The following RAP1GAP2 variants were observed in gnomAD, a reference collection of about 807,000 sequenced individuals.
The protein encoded by RAP1GAP2 is rap1 GTPase-activating protein 2.
RAP1GAP2 carries 27 observed loss-of-function variants against 95.0 expected under a neutral mutation model. The ratio of observed to expected loss-of-function variants is 0.28; its 90% confidence interval spans 0.21 to 0.39. The LOEUF is 0.39. RAP1GAP2 is among the 10% of genes least tolerant of loss of function. The probability of loss-of-function intolerance (pLI) is 1.00; values close to 1 mark genes in which losing one functional copy is unlikely to be tolerated. For synonymous variants in RAP1GAP2, 373 were observed against 380.9 expected (o/e 0.98, Z 0.24); for missense variants, 771 against 970.0 (o/e 0.79, Z 2.72).
intron 2 of RAP1GAP2, among the ~76,000 whole-genome samples, chr17:2,854,428 G>C (rs538251392): frequency 6.6e-6 from 1 of 152,326 alleles, no homozygotes; most frequent in African/African-American, 2.4e-5. Flanking sequence ...GGATGCCATT[G>C]ATCCAGCCCA....
At chr17:2,940,987 G>A (rs1490460211) in intron 3 of RAP1GAP2, among the ~76,000 whole-genome samples, 1 of 152,200 alleles carries the variant, frequency 6.6e-6, no homozygotes. Flanking sequence ...TGCTGTGGGG[G>A]GACCGGGGAC....
At chr17:2,810,027 C>CCCG (rs2069697466) in intron 2 of RAP1GAP2, among the ~76,000 whole-genome samples, 1 of 149,160 alleles carries the variant, frequency 6.7e-6, no homozygotes, top group African/African-American at 2.5e-5. Context: ...CCCTCCCCTC[C>CCCG]CCCCGCCCCA....
intron 2 of RAP1GAP2, among the ~76,000 whole-genome samples, chr17:2,892,672 G>T (rs2073762675): frequency 6.6e-6 from 1 of 152,178 alleles, no homozygotes; most frequent in Non-Finnish European, 1.5e-5. Flanking sequence ...CCTTTCACGT[G>T]CAGGCTTGCT....
intron 3 of RAP1GAP2, among the ~76,000 whole-genome samples, chr17:2,933,049 C>G (rs1398572047): frequency 2.0e-5 from 3 of 152,176 alleles, no homozygotes; most frequent in Non-Finnish European, 4.4e-5. Flanking sequence ...GCCCAGTGTC[C>G]CCGCGTACAG....
chr17:2,938,566 G>C (rs544551058), intron 3 of RAP1GAP2, among the ~76,000 whole-genome samples: 2 of 152,242 alleles, frequency 1.3e-5, no homozygotes, highest in Non-Finnish European at 2.9e-5. Flanking sequence ...GTCTCCCCCA[G>C]CCATTCGCTA....
chr17:2,815,524 C>G (rs976409652), intron 2 of RAP1GAP2, among the ~76,000 whole-genome samples: 4 of 150,786 alleles, frequency 2.7e-5, no homozygotes, highest in African/African-American at 9.8e-5. Context: ...CTTTGTCACC[C>G]AGGCTGGATT....
chr17:2,935,893 C>A (rs898866132), intron 3 of RAP1GAP2, among the ~76,000 whole-genome samples: 1 of 152,116 alleles, frequency 6.6e-6, no homozygotes, highest in Non-Finnish European at 1.5e-5. Context: ...AGGAAGGAAA[C>A]GCGGCCGATC....
intron 8 of RAP1GAP2, among the ~76,000 whole-genome samples, chr17:2,979,125 G>A (rs2045248044): frequency 6.6e-6 from 1 of 152,092 alleles, no homozygotes; most frequent in Admixed American, 6.6e-5. Context: ...AAAACCATAT[G>A]GTTATCTCCT....
rs1256121056 is a variant in RAP1GAP2 at position 3,001,478 on chromosome 17, TC to T, written c.1200+3103del. On this transcript the variant is annotated intron_variant, in intron 14 of 24. Coordinates refer to ENST00000254695, the MANE Select transcript of RAP1GAP2 (RefSeq NM_015085.5). The stretch of plus-strand genomic sequence containing the variant: ...TCCAAGCACCAGGCTGAAGTGAGGC[TC>T]GTGGAGGTAACAAGATCAGCCTCAG... 1.9e-4 allele frequency among the ~76,000 whole-genome samples: 15 copies of T among 78,850 alleles called. 3 individuals are homozygous for T. Among genetic ancestry groups the T allele is most frequent in the African/African-American group, 8.2e-4 (14 of 17,076 alleles). The allele number at this position is 78,850 out of a possible 152,430, so 51.7% of individuals were successfully genotyped here.
chr17:3,017,587 T>C (rs1178257713), intron 17 of RAP1GAP2, among the ~76,000 whole-genome samples: 2 of 152,210 alleles, frequency 1.3e-5, no homozygotes, highest in African/African-American at 2.4e-5. Flanking sequence ...AAGAGTCAAC[T>C]TGTGGTCAGA....
chr17:2,920,763 G>A (rs1015595712), intron 3 of RAP1GAP2, among the ~76,000 whole-genome samples: 3 of 152,314 alleles, frequency 2.0e-5, no homozygotes, highest in Admixed American at 6.5e-5. Context: ...CACGCATAGG[G>A]TGGTTTCATT....
At chr17:2,779,320 C>T (rs531699095) in intron 1 of RAP1GAP2, among the ~76,000 whole-genome samples, 57 of 152,330 alleles carry the variant, frequency 3.7e-4, no homozygotes, top group African/African-American at 1.3e-3. Flanking sequence ...GGCCCCATAG[C>T]AAGGGCTTCA....
intron 3 of RAP1GAP2, among the ~76,000 whole-genome samples, chr17:2,910,637 T>C (rs539666293): frequency 6.6e-6 from 1 of 152,314 alleles, no homozygotes; most frequent in South Asian, 2.1e-4. Flanking sequence ...ATTTCCTTTA[T>C]AGGTAAACCA....
intron 3 of RAP1GAP2, among the ~76,000 whole-genome samples, chr17:2,919,061 C>G (rs1331876163): frequency 6.6e-6 from 1 of 152,134 alleles, no homozygotes; most frequent in Non-Finnish European, 1.5e-5. Context: ...TCTGCCCTGC[C>G]AGGTGCCCAC....
At chr17:2,771,813 G>A (rs1316745442) in intron 2 of RAP1GAP2, among the ~76,000 whole-genome samples, 7 of 152,014 alleles carry the variant, frequency 4.6e-5, no homozygotes, top group Admixed American at 4.6e-4. Context: ...TTTCATACAT[G>A]GGAAGGTTAC....
intron 2 of RAP1GAP2, among the ~76,000 whole-genome samples, chr17:2,849,919 G>A (rs2317457): frequency 0.2 from 30,535 of 151,394 alleles, 3,228 homozygotes; most frequent in East Asian, 0.3. Flanking sequence ...TTCCCTGTCC[G>A]TTCTCTTTCG....
chr17:2,847,856 A>G (rs1457560240), intron 2 of RAP1GAP2, among the ~76,000 whole-genome samples: 1 of 152,164 alleles, frequency 6.6e-6, no homozygotes, highest in African/African-American at 2.4e-5. Flanking sequence ...CCTCTATGCA[A>G]AATAACACCT....
intron 3 of RAP1GAP2, among the ~76,000 whole-genome samples, chr17:2,928,444 T>G (rs1000233191): frequency 2.5e-4 from 38 of 151,896 alleles, no homozygotes; most frequent in African/African-American, 8.9e-4. Context: ...GTTGACAGCC[T>G]GCGTGTCCGG....
At chr17:3,030,177 T>TACACACACACACACACAC (rs61671474) in intron 22 of RAP1GAP2, among the ~76,000 whole-genome samples, 18,067 of 144,966 alleles carry the variant, frequency 0.12, 1,310 homozygotes, top group Non-Finnish European at 0.16. Flanking sequence ...ATATATATTA[T>TACACACACACACACACAC]ACACACACAC....
Sources: allele counts gnomAD v4.1 joint callset (sites outside exome capture counted in the v4.1 genomes callset), GRCh38; gene constraint gnomAD v4.1.1; transcripts MANE v1.5; gene names NCBI Gene and HGNC (gene_info 2026-07-23, HGNC 2026-07-21).